Variants in TENM3 observed in about 807,000 individuals in gnomAD.
The protein encoded by TENM3 is teneurin-3.
A neutral mutation model predicts 255.1 loss-of-function variants in TENM3; 63 were observed. That is an observed-to-expected ratio of 0.25 (90% confidence interval 0.20 to 0.30). The LOEUF is 0.30. TENM3 is among the 10% of genes least tolerant of loss of function. The probability of loss-of-function intolerance (pLI) is 1.00; values close to 1 mark genes in which losing one functional copy is unlikely to be tolerated. For missense variants in TENM3, 2,929 were observed against 3,461.1 expected, an observed-to-expected ratio of 0.85 and a Z score of 3.86; for synonymous variants, 1,306 against 1,322.3, an observed-to-expected ratio of 0.99 and a Z score of 0.27.
the TENM3 span, among the ~76,000 whole-genome samples, chr4:182,029,444 C>A: frequency 6.6e-6 from 1 of 152,134 alleles, no homozygotes; most frequent in East Asian, 1.9e-4. Context: ...AAGTCTCCAG[C>A]TATTATTGTA....
chr4:181,962,930 G>C, the TENM3 span, among the ~76,000 whole-genome samples: 1 of 152,146 alleles, frequency 6.6e-6, no homozygotes, highest in Non-Finnish European at 1.5e-5. Flanking sequence ...ATTAGTGAGT[G>C]GTTTTCTTTA....
the TENM3 span, among the ~76,000 whole-genome samples, chr4:181,523,684 G>A: frequency 3.4e-3 from 511 of 152,220 alleles, 5 homozygotes; most frequent in African/African-American, 0.012. Flanking sequence ...TGATAAACTG[G>A]CATCCAAATG....
intron 4 of TENM3, among the ~76,000 whole-genome samples, chr4:182,604,564 C>T (rs897246829): frequency 2.6e-5 from 4 of 152,180 alleles, no homozygotes; most frequent in African/African-American, 9.7e-5. Context: ...TGGCCCAGTA[C>T]AGCAGCAGCA....
chr4:182,173,983 T>C (rs1752276468), intron 1 of TENM3, among the ~76,000 whole-genome samples: 1 of 152,214 alleles, frequency 6.6e-6, no homozygotes, highest in Non-Finnish European at 1.5e-5. Context: ...AAAAATGCTA[T>C]TTTGTATTAA....
At chr4:181,464,779 C>T in the TENM3 span, among the ~76,000 whole-genome samples, 13 of 151,900 alleles carry the variant, frequency 8.6e-5, no homozygotes, top group African/African-American at 1.2e-4. Flanking sequence ...GGTGAAGCCC[C>T]GTCTCTACAA....
At chr4:182,542,041 C>T (rs1236431551) in intron 3 of TENM3, among the ~76,000 whole-genome samples, 2 of 152,024 alleles carry the variant, frequency 1.3e-5, no homozygotes, top group Admixed American at 6.5e-5. Flanking sequence ...CCAGCCTGGG[C>T]GACACAGACT....
intron 3 of TENM3, among the ~76,000 whole-genome samples, chr4:182,397,055 G>A (rs946602826): frequency 6.6e-6 from 1 of 151,722 alleles, no homozygotes; most frequent in African/African-American, 2.4e-5. Flanking sequence ...AAAGAATCTT[G>A]GAATCACATG....
chr4:182,752,425 T>G (rs1407679585), intron 20 of TENM3, among the ~76,000 whole-genome samples: 1 of 152,166 alleles, frequency 6.6e-6, no homozygotes, highest in Non-Finnish European at 1.5e-5. Context: ...AACCCATCAC[T>G]AAGCAACCCT....
At chr4:181,679,395 T>C in the TENM3 span, among the ~76,000 whole-genome samples, 1 of 151,154 alleles carries the variant, frequency 6.6e-6, no homozygotes. Flanking sequence ...TTTTTTTCCT[T>C]ATCATTTCCT....
intron 1 of TENM3, among the ~76,000 whole-genome samples, chr4:182,310,236 T>C (rs562243495): frequency 6.6e-6 from 1 of 152,310 alleles, no homozygotes; most frequent in South Asian, 2.1e-4. Context: ...TATTTATTTA[T>C]TTTTAATTGA....
chr4:181,950,460 G>C, the TENM3 span, among the ~76,000 whole-genome samples: 1 of 152,180 alleles, frequency 6.6e-6, no homozygotes, highest in Non-Finnish European at 1.5e-5. Context: ...TCCTGCTATA[G>C]TTTGCTCCAT....
the TENM3 span, among the ~76,000 whole-genome samples, chr4:181,910,628 G>A: frequency 2.4e-4 from 27 of 110,778 alleles, no homozygotes; most frequent in South Asian, 5.7e-4. Context: ...GTGTGTGTGT[G>A]TATGTGTGTG....
the TENM3 span, among the ~76,000 whole-genome samples, chr4:181,489,606 A>G: frequency 8.9e-3 from 1,362 of 152,314 alleles, 16 homozygotes; most frequent in South Asian, 0.033. Context: ...TACACACTAT[A>G]CCCTATTTCG....
At chr4:181,685,790 G>C in the TENM3 span, among the ~76,000 whole-genome samples, 1 of 151,684 alleles carries the variant, frequency 6.6e-6, no homozygotes, top group African/African-American at 2.4e-5. Flanking sequence ...TAATTAATAA[G>C]TCAAGTGGTT....
At chr4:182,516,777 A>G (rs1230477549) in intron 3 of TENM3, among the ~76,000 whole-genome samples, 1 of 152,004 alleles carries the variant, frequency 6.6e-6, no homozygotes, top group African/African-American at 2.4e-5. Context: ...AGTAGTCCCA[A>G]CTACATGGGA....
intron 3 of TENM3, among the ~76,000 whole-genome samples, chr4:182,458,864 A>G (rs901332925): frequency 2.0e-5 from 3 of 152,156 alleles, no homozygotes; most frequent in African/African-American, 7.2e-5. Context: ...TTCCAGGGAA[A>G]TGGTTGTGCT....
chr4:182,244,728 A>C (rs756098209), intron 1 of TENM3, among the ~76,000 whole-genome samples: 3 of 152,196 alleles, frequency 2.0e-5, no homozygotes, highest in Non-Finnish European at 4.4e-5. Flanking sequence ...AACATATGGA[A>C]AGAAAAACCA....
chr4:182,051,216 G>A, the TENM3 span, among the ~76,000 whole-genome samples: 3,535 of 151,684 alleles, frequency 0.023, 83 homozygotes, highest in Non-Finnish European at 0.032. Flanking sequence ...GATGGCAAGC[G>A]CCTGTAATCC....
intron 16 of TENM3, among the ~76,000 whole-genome samples, 159 bp downstream of exon 16, chr4:182,731,298 G>A (rs1342382360): frequency 6.6e-6 from 1 of 152,036 alleles, no homozygotes; most frequent in African/African-American, 2.4e-5. Context: ...GAGGTCAGGA[G>A]TTCAAGACCA....
Sources: allele counts gnomAD v4.1 joint callset (sites outside exome capture counted in the v4.1 genomes callset), GRCh38; gene constraint gnomAD v4.1.1; transcripts MANE v1.5; gene names NCBI Gene and HGNC (gene_info 2026-07-23, HGNC 2026-07-21).